Variants in MED13L observed in about 807,000 individuals in gnomAD.
MED13L encodes mediator of RNA polymerase II transcription subunit 13-like.
In MED13L, 7 loss-of-function variants were observed where a neutral mutation model predicts 220.9. That is an observed-to-expected ratio of 0.03 (90% CI 0.02 to 0.06). MED13L has a LOEUF of 0.06. Among genes scored for constraint, MED13L ranks in the 10% least tolerant of loss-of-function variants. The pLI is 1.00. For synonymous variants in MED13L, 1,011 were observed against 1,015.2 expected, an observed-to-expected ratio of 1.00 and a Z score of 0.08; for missense variants, 1,965 against 2,760.5, an observed-to-expected ratio of 0.71 and a Z score of 6.46.
chr12:116,263,641 GA>G (rs1872648834), intron 1 of MED13L, among the ~76,000 whole-genome samples: 1 of 152,112 alleles, frequency 6.6e-6, no homozygotes, highest in Non-Finnish European at 1.5e-5. Context: ...TAAGAAGTTG[GA>G]TATCACACAA....
chr12:116,163,905 T>C (rs147341530), intron 2 of MED13L, among the ~76,000 whole-genome samples: 166 of 152,318 alleles, frequency 1.1e-3, no homozygotes, highest in African/African-American at 3.5e-3. Context: ...AATGCCATAA[T>C]ATCAAATGAA....
chr12:116,015,380 A>T (rs1354405271), intron 7 of MED13L, 106 bp from the exon 8 acceptor site: 2 of 1,220,224 alleles, frequency 1.6e-6, no homozygotes, highest in Admixed American at 3.5e-5. Flanking sequence ...GTTGAAAGTC[A>T]TATACATAGC....
At chr12:116,092,008 CAGAT>C (rs1434886764) in intron 4 of MED13L, among the ~76,000 whole-genome samples, 3 of 152,156 alleles carry the variant, frequency 2.0e-5, no homozygotes, top group Admixed American at 1.3e-4. Context: ...GTAACTCCCT[CAGAT>C]AGACTCTCAG....
At chr12:116,276,712 G>A in intron 1 of MED13L, 1 of 896,506 alleles carries the variant, frequency 1.1e-6, no homozygotes, top group Non-Finnish European at 1.5e-6. Context: ...CACATTTACG[G>A]GGGGAAAAAA....
intron 17 of MED13L, among the ~76,000 whole-genome samples, chr12:115,987,492 A>G (rs936090014): frequency 6.6e-6 from 1 of 152,214 alleles, no homozygotes; most frequent in African/African-American, 2.4e-5. Flanking sequence ...ATCAACAATA[A>G]TAAAAGGGGA....
intron 4 of MED13L, among the ~76,000 whole-genome samples, chr12:116,052,208 G>A (rs912091228): frequency 6.6e-6 from 1 of 152,078 alleles, no homozygotes; most frequent in Non-Finnish European, 1.5e-5. Flanking sequence ...GCAAGGATTC[G>A]AATTCAAAGC....
chr12:116,276,841 C>G, intron 1 of MED13L: 1 of 1,058,498 alleles, frequency 9.4e-7, no homozygotes. Flanking sequence ...GAGCGCCGCG[C>G]TCACAAATGA....
At position 116,277,560 on chromosome 12, in the gene MED13L, G is replaced by T. The variant is rs1368422693; in HGVS notation, c.-429C>A. On this transcript the variant is annotated 5_prime_UTR_variant, in exon 1 of 31. Transcript: ENST00000281928. The stretch of plus-strand genomic sequence containing the variant: ...GGAGCGCGAACTCGCGAAGGGGGGG[G>T]TGCGGACGAAGCCAGCGGGCGACCC... 6.7e-6 allele frequency among the ~76,000 whole-genome samples: 1 copy of T among 149,496 alleles called. No homozygotes were observed. Among genetic ancestry groups the T allele is most frequent in the Non-Finnish European group, 1.5e-5 (1 of 66,928 alleles).
intron 3 of MED13L, among the ~76,000 whole-genome samples, chr12:116,108,123 C>T (rs577864724): frequency 4.0e-5 from 6 of 150,910 alleles, no homozygotes; most frequent in African/African-American, 9.7e-5. Context: ...AAAAAAAAAA[C>T]CCCTCAGTTC....
chr12:116,208,938 T>G (rs1882523539), intron 2 of MED13L, among the ~76,000 whole-genome samples: 1 of 151,834 alleles, frequency 6.6e-6, no homozygotes, highest in South Asian at 2.1e-4. Flanking sequence ...GCCACTGTAC[T>G]CCAGCCTGGG....
intron 4 of MED13L, among the ~76,000 whole-genome samples, chr12:116,087,784 G>C (rs1425428625): frequency 1.3e-5 from 2 of 152,040 alleles, no homozygotes; most frequent in African/African-American, 4.8e-5. Flanking sequence ...CATTTGTATA[G>C]AGCACTAAAA....
At chr12:116,033,747 AGTGT>A (rs78671683) in intron 4 of MED13L, among the ~76,000 whole-genome samples, 6 of 151,176 alleles carry the variant, frequency 4.0e-5, no homozygotes, top group South Asian at 2.1e-4. Context: ...ATGAATCATG[AGTGT>A]GTGTGTGTGT....
chr12:116,197,515 C>G (rs867711548), intron 2 of MED13L, among the ~76,000 whole-genome samples: 1 of 152,062 alleles, frequency 6.6e-6, no homozygotes, highest in Non-Finnish European at 1.5e-5. Flanking sequence ...CCCTGTAATC[C>G]CAGCATTTTG....
intron 14 of MED13L, among the ~76,000 whole-genome samples, chr12:116,002,456 G>A (rs952748294): frequency 6.6e-6 from 1 of 151,860 alleles, no homozygotes; most frequent in Non-Finnish European, 1.5e-5. Context: ...TCCTCTTGTA[G>A]AATAATTTGG....
intron 9 of MED13L, among the ~76,000 whole-genome samples, chr12:116,010,482 AAAGT>A (rs1879325835): frequency 2.6e-5 from 4 of 152,164 alleles, no homozygotes. Context: ...ATCTAATCAT[AAAGT>A]AAGTTTTTTC....
chr12:116,126,490 C>G (rs905414894), intron 2 of MED13L, among the ~76,000 whole-genome samples: 2 of 152,132 alleles, frequency 1.3e-5, no homozygotes, highest in Non-Finnish European at 2.9e-5. Context: ...CTGGCCCTTT[C>G]CATCTCCAGT....
At chr12:116,248,160 T>G (rs1384413810) in intron 1 of MED13L, among the ~76,000 whole-genome samples, 1 of 152,140 alleles carries the variant, frequency 6.6e-6, no homozygotes, top group Non-Finnish European at 1.5e-5. Flanking sequence ...AATAGAAGAA[T>G]AAAGCCATGT....
chr12:116,132,245 A>G (rs1593080825), intron 2 of MED13L, among the ~76,000 whole-genome samples: 1 of 146,816 alleles, frequency 6.8e-6, no homozygotes, highest in Admixed American at 7.1e-5. Flanking sequence ...GTGGCATTGC[A>G]CTCCAGCCTG....
rs1210194694 is a variant in MED13L at position 115,969,153 on chromosome 12, A to G, written c.6068-56T>C. 1.6e-5 allele frequency: 25 copies of G among 1,561,084 alleles called. No homozygotes were observed. The East Asian group carries it at 1.8e-4, about 11-fold the overall frequency. On this transcript the variant is annotated intron_variant, in intron 27 of 30. Coordinates refer to ENST00000281928, the MANE Select transcript of MED13L (RefSeq NM_015335.5). ...AATTAAAAAGATAGTCCACATATCA[A>G]TATCATAATAATCCAACCTAACCTA...
Sources: allele counts gnomAD v4.1 joint callset (sites outside exome capture counted in the v4.1 genomes callset), GRCh38; gene constraint gnomAD v4.1.1; transcripts MANE v1.5; gene names NCBI Gene and HGNC (gene_info 2026-07-23, HGNC 2026-07-21).